SLC48A1: variants seen among roughly 807,000 people sequenced by gnomAD.
SLC48A1 encodes heme transporter HRG1.
Under a neutral mutation model 14.8 loss-of-function variants are expected in SLC48A1, and 6 were observed. That is an observed-to-expected ratio of 0.41 (90% CI 0.22 to 0.80). The LOEUF (loss-of-function observed/expected upper bound fraction) is 0.80. Ranked by LOEUF, SLC48A1 falls within the 30% of genes least tolerant of loss-of-function variation. The pLI, the probability that SLC48A1 is intolerant of heterozygous loss-of-function variation, is 0.34. For missense variants in SLC48A1, 165 were observed against 204.8 expected, an observed-to-expected ratio of 0.81 and a Z score of 1.19; for synonymous variants, 89 against 90.0, an observed-to-expected ratio of 0.99 and a Z score of 0.06.
chr12:47,781,024 T>A lies in SLC48A1; in HGVS notation c.*743T>A, dbSNP rs946416397. ...TAGGCACTCTCTTCCCAAGGCCAGG[T>A]TGGGCACCTGGGGAGGTCAGTTCAG... On this transcript the variant is annotated 3_prime_UTR_variant, in exon 3 of 3. Coordinates refer to ENST00000442218, the MANE Select transcript of SLC48A1 (RefSeq NM_017842.3). The A allele has an allele frequency of 4.5e-6, 2 of 449,042 alleles. No individual in the cohort carries two copies. The highest frequency in any genetic ancestry group is 2.0e-5 in the African/African-American group (1 of 49,648). The allele number at this position is 449,042 out of a possible 1,614,324, so 27.8% of individuals were successfully genotyped here. A position where few individuals can be genotyped will look rare whatever the true frequency, so the allele number is the denominator to read the frequency against.
intron 2 of SLC48A1, 87 bp from the exon 3 acceptor site, chr12:47,780,058 T>C (rs1942833423): frequency 2.1e-6 from 3 of 1,429,030 alleles, no homozygotes; most frequent in Admixed American, 5.8e-5. Context: ...GGATGTTGAG[T>C]GGGGAGGGTG....
upstream of SLC48A1, chr12:47,757,924 C>T (rs1942185374): frequency 1.3e-6 from 2 of 1,556,842 alleles, no homozygotes; most frequent in East Asian, 2.4e-5. Context: ...CTGGTAGGAG[C>T]AGCTTCGGGG....
At chr12:47,757,974 C>T (rs1383791673), upstream of SLC48A1, 1 of 1,565,636 alleles carries the variant, frequency 6.4e-7, no homozygotes, top group Non-Finnish European at 8.7e-7. Context: ...GTAGTGTCCC[C>T]TCCGGCACCA....
intron 1 of SLC48A1, chr12:47,760,192 CT>C (rs1243669434): frequency 1.0e-6 from 1 of 985,242 alleles, no homozygotes; most frequent in Non-Finnish European, 1.2e-6. Context: ...AATGGAAAAT[CT>C]GTATTTGGAA....
chr12:47,777,764 T>C lies in SLC48A1; in HGVS notation c.137-1264T>C, dbSNP rs1353614290. On this transcript the variant is annotated intron_variant, in intron 1 of 2. Transcript: ENST00000442218. This position sits in a 1 kb window ranked among gnomAD's most constrained non-coding sequence, Gnocchi z 4.5. ...GCCTGAGAAAACAGCGTAGATAAAA[T>C]AGCATAGATTTCCCACCCAGCCTAA... Among the ~76,000 whole-genome samples the C allele has an allele frequency of 6.6e-6, 1 of 152,098 alleles. No homozygotes were observed. The highest frequency in any genetic ancestry group is 2.4e-5 in the African/African-American group (1 of 41,414).
intron 1 of SLC48A1, among the ~76,000 whole-genome samples, chr12:47,773,830 GCA>G (rs531358691): frequency 1.5e-5 from 2 of 137,530 alleles, no homozygotes; most frequent in African/African-American, 5.0e-5. Context: ...ACACACACAC[GCA>G]CACACACACG....
intron 2 of SLC48A1, among the ~76,000 whole-genome samples, chr12:47,760,581 G>A (rs889242993): frequency 6.7e-6 from 1 of 150,294 alleles, no homozygotes; most frequent in African/African-American, 2.4e-5. Context: ...GCTGGGGAGT[G>A]AGGCAGGACA....
intron 2 of SLC48A1, among the ~76,000 whole-genome samples, chr12:47,761,991 A>G (rs1183407399): frequency 1.3e-5 from 2 of 152,048 alleles, no homozygotes; most frequent in African/African-American, 4.8e-5. Context: ...TGTGTGCTTT[A>G]CCACTCTGCA....
upstream of SLC48A1, chr12:47,755,609 T>G (rs1269433622): frequency 6.6e-6 from 1 of 152,228 alleles, no homozygotes; most frequent in Non-Finnish European, 1.5e-5. Context: ...CCAGTGTCAC[T>G]TTTGCAATAG....
upstream of SLC48A1, among the ~76,000 whole-genome samples, chr12:47,768,051 C>G (rs1215572381): frequency 6.6e-6 from 1 of 152,096 alleles, no homozygotes; most frequent in East Asian, 1.9e-4. Context: ...GATCTTGGCT[C>G]ACTGCAACCT....
At position 47,779,170 on chromosome 12, in the gene SLC48A1, C is replaced by G; in HGVS notation, c.279C>G (p.Leu93=). Residue 93 remains leucine (L), a synonymous_variant, in exon 2 of 3, where the codon CTC becomes CTG. Coordinates refer to ENST00000442218, the MANE Select transcript of SLC48A1 (RefSeq NM_017842.3). The stretch of plus-strand genomic sequence containing the variant: ...CCATCGCTGCCTTCTGCACCTTCCT[C>G]GTGCTGGCCATCACCCGGCATCAGA... ...AVSIAAFCTF[L]VLAITRHQSL... 6.4e-7 allele frequency: 1 copy of G among 1,551,786 alleles called. No homozygotes were observed. Among genetic ancestry groups the G allele is most frequent in the Admixed American group, 2.0e-5 (1 of 51,008 alleles).
intron 1 of SLC48A1, among the ~76,000 whole-genome samples, chr12:47,759,342 G>C (rs902474963): frequency 2.0e-5 from 3 of 152,228 alleles, no homozygotes; most frequent in Non-Finnish European, 4.4e-5. Flanking sequence ...GGGAATAGGC[G>C]GCTTTCCCGC....
At chr12:47,774,056 C>T (rs996731252) in intron 1 of SLC48A1, among the ~76,000 whole-genome samples, 1 of 152,222 alleles carries the variant, frequency 6.6e-6, no homozygotes, top group Non-Finnish European at 1.5e-5. Flanking sequence ...TCTTTCCACC[C>T]ATGTTGGTGC....
At chr12:47,775,273 C>T (rs1297993653) in intron 1 of SLC48A1, among the ~76,000 whole-genome samples, 2 of 152,174 alleles carry the variant, frequency 1.3e-5, no homozygotes, top group Non-Finnish European at 2.9e-5. Flanking sequence ...GGGTTTTCTT[C>T]CGACCCAACT....
At chr12:47,764,173 T>A (rs991548189) in intron 2 of SLC48A1, among the ~76,000 whole-genome samples, 14 of 152,292 alleles carry the variant, frequency 9.2e-5, no homozygotes, top group African/African-American at 3.1e-4. Flanking sequence ...TGTGTGTGTG[T>A]GTCTTGTGTG....
At chr12:47,761,532 G>A (rs1268763810) in intron 2 of SLC48A1, among the ~76,000 whole-genome samples, 5 of 152,316 alleles carry the variant, frequency 3.3e-5, no homozygotes, top group South Asian at 4.1e-4. Flanking sequence ...AGCAGATGAC[G>A]GGGCAGGTTT....
intron 1 of SLC48A1, among the ~76,000 whole-genome samples, chr12:47,775,861 A>C (rs545673181): frequency 1.3e-5 from 2 of 152,168 alleles, no homozygotes; most frequent in Non-Finnish European, 2.9e-5. Context: ...CTTTGGAGAA[A>C]GGCAGTGGCA....
At chr12:47,757,632 C>A (rs1294908585), upstream of SLC48A1, among the ~76,000 whole-genome samples, 1 of 152,192 alleles carries the variant, frequency 6.6e-6, no homozygotes, top group Non-Finnish European at 1.5e-5. Flanking sequence ...CCCTTCCCCC[C>A]ATGCCCAAAC....
chr12:47,764,569 A>C (rs1417361536), intron 2 of SLC48A1, among the ~76,000 whole-genome samples: 1 of 152,184 alleles, frequency 6.6e-6, no homozygotes, highest in East Asian at 1.9e-4. Flanking sequence ...AGACCTGGTC[A>C]GTCAGGCTGG....
Sources: gnomAD v4.1 joint callset for allele counts (sites outside exome capture counted in the v4.1 genomes callset) on GRCh38, gnomAD v4.1.1 for gene constraint, Gnocchi (gnomAD v3.1) non-coding constraint, MANE v1.5 for transcripts, NCBI Gene and HGNC (gene_info 2026-07-23, HGNC 2026-07-21) for gene names.